ZYG11A: variants seen among roughly 807,000 people sequenced by gnomAD.
ZYG11A encodes the protein protein zyg-11 homolog A.
A neutral mutation model predicts 77.2 loss-of-function variants in ZYG11A; 62 were observed. That is an observed-to-expected ratio of 0.80 (90% confidence interval 0.65 to 0.99). The LOEUF (loss-of-function observed/expected upper bound fraction) is 0.99. ZYG11A is among the 50% of genes least tolerant of loss of function. ZYG11A has a pLI of 0.00. For missense variants in ZYG11A, 828 were observed against 896.8 expected, an observed-to-expected ratio of 0.92 and a Z score of 0.98; for synonymous variants, 315 against 324.6, an observed-to-expected ratio of 0.97 and a Z score of 0.32.
chr1:52,867,430 C>A, intron 6 of ZYG11A, 109 bp from the exon 7 acceptor site: 1 of 751,824 alleles, frequency 1.3e-6, no homozygotes. Flanking sequence ...ATTTAAAAGT[C>A]CAAGACTGTT....
At chr1:52,855,943 A>G (rs1355569179) in intron 2 of ZYG11A, among the ~76,000 whole-genome samples, 2 of 152,192 alleles carry the variant, frequency 1.3e-5, no homozygotes, top group African/African-American at 2.4e-5. Context: ...AATCTGCAGG[A>G]ATGTGTAAGA....
intron 1 of ZYG11A, among the ~76,000 whole-genome samples, chr1:52,848,397 A>G (rs1645641902): frequency 6.6e-6 from 1 of 152,036 alleles, no homozygotes; most frequent in African/African-American, 2.4e-5. Flanking sequence ...GTTGGTTTTT[A>G]GAAGTTTCCC....
intron 1 of ZYG11A, among the ~76,000 whole-genome samples, chr1:52,847,628 G>A (rs1290983893): frequency 6.7e-6 from 1 of 148,618 alleles, no homozygotes; most frequent in Non-Finnish European, 1.5e-5. Flanking sequence ...TTTGAAAGAT[G>A]TTTTCATGGA....
intron 8 of ZYG11A, among the ~76,000 whole-genome samples, chr1:52,870,422 G>A (rs996558804): frequency 3.3e-5 from 5 of 151,960 alleles, no homozygotes; most frequent in African/African-American, 7.3e-5. Context: ...GACGATGGGC[G>A]GCCAGGCAGA....
intron 8 of ZYG11A, among the ~76,000 whole-genome samples, chr1:52,870,069 G>T (rs918692246): frequency 1.3e-5 from 2 of 150,332 alleles, no homozygotes; most frequent in African/African-American, 4.9e-5. Context: ...CCCAGACGGG[G>T]TCGCGGCCGG....
rs757500117 is a variant in ZYG11A, at chr1:52,851,696, G to A, written c.91-2769G>A. On this transcript the variant is annotated intron_variant, in intron 1 of 13. Coordinates refer to ENST00000371528, the MANE Select transcript of ZYG11A (RefSeq NM_001004339.3). ...ATTATAGGCGTGAGCCACCATGCCCGGCACACAGTTTATTTTATTATTTAT... is the reference window on the plus strand; with the variant it reads ...ATTATAGGCGTGAGCCACCATGCCCAGCACACAGTTTATTTTATTATTTAT... 4.6e-5 allele frequency among the ~76,000 whole-genome samples: 7 copies of A among 151,646 alleles called. No individual in the cohort carries two copies. In the East Asian group the frequency reaches 5.8e-4, roughly 13 times the overall value.
chr1:52,864,152 C>A lies in ZYG11A; in HGVS notation c.1321C>A (p.Gln441Lys), dbSNP rs1292465556. 1 of 1,551,270 alleles carries A rather than the reference C, an allele frequency of 6.4e-7. No individual in the cohort carries two copies. Among genetic ancestry groups the A allele is most frequent in the Non-Finnish European group, 8.7e-7 (1 of 1,146,854 alleles). The part of the protein sequence containing the change: ...FKALKNFPHY[Q>K]QLQKNCLLSL... ...GGCTCTGAAAAATTTCCCCCATTAC[C>A]AGCAGGTAATTTCAATTGAATATTT... The change falls in exon 5 of 14, where the codon CAG becomes AAG. Residue 441 changes from glutamine to lysine, a missense_variant. Gln to Lys is a moderately conservative substitution (Grantham distance 53). Transcript: ENST00000371528.
chr1:52,885,210 ACTC>A (rs1646428044), intron 11 of ZYG11A, among the ~76,000 whole-genome samples: 1 of 147,550 alleles, frequency 6.8e-6, no homozygotes. Flanking sequence ...TGCCCGGCCC[ACTC>A]CTCCTATTTA....
intron 10 of ZYG11A, among the ~76,000 whole-genome samples, chr1:52,878,862 C>T (rs1646308189): frequency 1.4e-5 from 2 of 146,024 alleles, no homozygotes; most frequent in Non-Finnish European, 3.0e-5. Flanking sequence ...TTGCTTGAAC[C>T]TGGGAGGTAG....
chr1:52,880,303 A>C (rs1646342565), intron 10 of ZYG11A, among the ~76,000 whole-genome samples: 1 of 152,084 alleles, frequency 6.6e-6, no homozygotes, highest in Non-Finnish European at 1.5e-5. Flanking sequence ...TATGTGCCTC[A>C]ATATACTAGT....
intron 2 of ZYG11A, among the ~76,000 whole-genome samples, chr1:52,856,455 C>CAA (rs57138221): frequency 5.1e-4 from 53 of 103,982 alleles, no homozygotes; most frequent in East Asian, 3.1e-3. Context: ...GACTCCATCT[C>CAA]AAAAAAAAAA....
chr1:52,844,550 C>G (rs1229165436), intron 1 of ZYG11A, among the ~76,000 whole-genome samples: 1 of 152,100 alleles, frequency 6.6e-6, no homozygotes, highest in African/African-American at 2.4e-5. Flanking sequence ...ACAAATATTG[C>G]ATGAATACTT....
intron 11 of ZYG11A, among the ~76,000 whole-genome samples, chr1:52,882,432 G>A (rs1237646101): frequency 2.0e-5 from 3 of 152,008 alleles, no homozygotes; most frequent in South Asian, 2.1e-4. Context: ...TTTGTACACC[G>A]TATATGGTGG....
chr1:52,874,824 G>A (rs147517083), intron 8 of ZYG11A, among the ~76,000 whole-genome samples: 4,048 of 152,262 alleles, frequency 0.027, 143 homozygotes, highest in East Asian at 0.18. Flanking sequence ...CTGAGATCAT[G>A]CCACTGCACT....
intron 8 of ZYG11A, among the ~76,000 whole-genome samples, chr1:52,870,762 G>A (rs1237736293): frequency 1.3e-5 from 2 of 152,300 alleles, no homozygotes; most frequent in African/African-American, 4.8e-5. Flanking sequence ...TCGGCAGGCT[G>A]AGGCAGGAGA....
intron 13 of ZYG11A, among the ~76,000 whole-genome samples, chr1:52,888,356 T>C (rs1226956606): frequency 6.6e-6 from 1 of 152,102 alleles, no homozygotes; most frequent in Non-Finnish European, 1.5e-5. Flanking sequence ...CTAACAAAAA[T>C]GTTTGTTTGT....
chr1:52,868,555 G>T (rs1176788300), intron 8 of ZYG11A, among the ~76,000 whole-genome samples: 6 of 152,150 alleles, frequency 3.9e-5, no homozygotes, highest in African/African-American at 1.2e-4. Context: ...GCTGAGGCGG[G>T]TGGATCACGA....
intron 1 of ZYG11A, among the ~76,000 whole-genome samples, chr1:52,852,116 A>G (rs894552605): frequency 2.0e-5 from 3 of 151,254 alleles, no homozygotes; most frequent in Non-Finnish European, 4.4e-5. Context: ...GGGTTTCACT[A>G]TGTTGGCCAG....
At chr1:52,880,073 T>TC (rs1268493600) in intron 10 of ZYG11A, among the ~76,000 whole-genome samples, 3 of 149,274 alleles carry the variant, frequency 2.0e-5, no homozygotes, top group African/African-American at 7.4e-5. Flanking sequence ...CCACTTTTTT[T>TC]TTTTTTTTTT....
Sources: allele counts gnomAD v4.1 joint callset (sites outside exome capture counted in the v4.1 genomes callset), GRCh38; gene constraint gnomAD v4.1.1; transcripts MANE v1.5; gene names NCBI Gene and HGNC (gene_info 2026-07-23, HGNC 2026-07-21).